The following ZFPM2 variants were observed in gnomAD, a reference collection of about 807,000 sequenced individuals.
ZFPM2 encodes the protein zinc finger protein, FOG family member 2.
ZFPM2 carries 20 observed loss-of-function variants against 98.6 expected under a neutral mutation model. The observed-to-expected ratio is 0.20, with a 90% CI of 0.14 to 0.29. ZFPM2 has a LOEUF of 0.29. Ranked by LOEUF, ZFPM2 falls within the 10% of genes least tolerant of loss-of-function variation. ZFPM2 has a pLI of 1.00. For synonymous variants in ZFPM2, 518 were observed against 502.7 expected, an observed-to-expected ratio of 1.03 and a Z score of -0.41; for missense variants, 1,310 against 1,388.6, an observed-to-expected ratio of 0.94 and a Z score of 0.90.
At chr8:105,712,367 A>T (rs543573625) in intron 5 of ZFPM2, among the ~76,000 whole-genome samples, 1 of 152,076 alleles carries the variant, frequency 6.6e-6, no homozygotes, top group Non-Finnish European at 1.5e-5. Flanking sequence ...ATAAACAAAT[A>T]AACAAGTAAT....
intron 3 of ZFPM2, among the ~76,000 whole-genome samples, chr8:105,527,279 A>T (rs1441320593): frequency 6.6e-6 from 1 of 152,162 alleles, no homozygotes; most frequent in African/African-American, 2.4e-5. Flanking sequence ...AAAACTCTAA[A>T]AGAGCCTCTG....
In ZFPM2 at chr8:105,802,115, T is replaced by C; in HGVS notation, c.2033T>C (p.Val678Ala). Residue 678 changes from valine to alanine, a missense_variant, in exon 8 of 8, where the codon GTG (valine) becomes GCG (alanine). By Grantham distance (64) the Val-to-Ala change is moderately conservative. Coordinates refer to ENST00000407775, the MANE Select transcript of ZFPM2 (RefSeq NM_012082.4). The stretch of plus-strand genomic sequence containing the variant: ...GTGAAAAATCCCAGTGTCCCCTTAG[T>C]GGATGGGGAAAGTGACCCAAATAAG... ...VDVKNPSVPL[V>A]DGESDPNKTT... is the part of the protein sequence containing the mutation. 1 of 1,613,792 alleles carries C rather than the reference T, an allele frequency of 6.2e-7. No individual in the cohort carries two copies. The highest frequency in any genetic ancestry group is 8.5e-7 in the Non-Finnish European group (1 of 1,179,852).
intron 5 of ZFPM2, among the ~76,000 whole-genome samples, chr8:105,687,438 A>T (rs1447998723): frequency 6.6e-6 from 1 of 152,190 alleles, no homozygotes; most frequent in East Asian, 1.9e-4. Context: ...CAAAGAAATC[A>T]CTTTGAACTA....
At chr8:105,352,953 A>G (rs145517546) in intron 1 of ZFPM2, among the ~76,000 whole-genome samples, 27 of 152,274 alleles carry the variant, frequency 1.8e-4, no homozygotes, top group African/African-American at 6.0e-4. Flanking sequence ...GGAGCACAAC[A>G]TTAGCACATC....
intron 1 of ZFPM2, among the ~76,000 whole-genome samples, chr8:105,376,535 A>G (rs1320063639): frequency 6.6e-6 from 1 of 152,144 alleles, no homozygotes; most frequent in Non-Finnish European, 1.5e-5. Context: ...AGCATCTCAA[A>G]TTTAATGTGT....
intron 5 of ZFPM2, among the ~76,000 whole-genome samples, chr8:105,740,900 G>A (rs1157055435): frequency 3.9e-5 from 6 of 152,034 alleles, no homozygotes; most frequent in African/African-American, 1.4e-4. Context: ...CAGATAAGTT[G>A]GTGAGGGAAG....
At chr8:105,472,871 CT>C (rs1812932944) in intron 3 of ZFPM2, among the ~76,000 whole-genome samples, 1 of 149,314 alleles carries the variant, frequency 6.7e-6, no homozygotes, top group African/African-American at 2.5e-5. Context: ...TGTCTTTCCC[CT>C]CTTCTCCTAA....
intron 3 of ZFPM2, among the ~76,000 whole-genome samples, chr8:105,512,065 A>G: frequency 6.6e-6 from 1 of 152,244 alleles, no homozygotes; most frequent in South Asian, 2.1e-4. Flanking sequence ...GAGTTTCTTG[A>G]ACCTGGGAGG....
intron 5 of ZFPM2, among the ~76,000 whole-genome samples, chr8:105,776,666 A>G (rs1157377546): frequency 1.3e-5 from 2 of 152,216 alleles, no homozygotes; most frequent in Non-Finnish European, 2.9e-5. Flanking sequence ...CAAGACAAAA[A>G]TAGTCACATA....
chr8:105,689,776 T>G (rs1452389844), intron 5 of ZFPM2, among the ~76,000 whole-genome samples: 1 of 152,182 alleles, frequency 6.6e-6, no homozygotes, highest in East Asian at 1.9e-4. Context: ...CATTTTTATA[T>G]TTCAGCAGTT....
intron 1 of ZFPM2, among the ~76,000 whole-genome samples, chr8:105,400,271 T>A (rs540620558): frequency 1.8e-4 from 28 of 152,102 alleles, no homozygotes; most frequent in African/African-American, 6.0e-4. Flanking sequence ...TATTTTATTT[T>A]TTTTATTATA....
intron 5 of ZFPM2, among the ~76,000 whole-genome samples, chr8:105,696,377 TAA>T (rs924163687): frequency 3.3e-5 from 5 of 152,170 alleles, no homozygotes; most frequent in African/African-American, 7.2e-5. Flanking sequence ...ACCTGCGTAA[TAA>T]AGTGTGACTC....
intron 5 of ZFPM2, among the ~76,000 whole-genome samples, chr8:105,785,451 C>G (rs1481572567): frequency 1.8e-5 from 2 of 109,644 alleles, no homozygotes; most frequent in Admixed American, 8.1e-5. Flanking sequence ...AGTCACAGTT[C>G]TGCCACTGAC....
At chr8:105,621,223 C>T (rs1300771021) in intron 4 of ZFPM2, among the ~76,000 whole-genome samples, 1 of 152,052 alleles carries the variant, frequency 6.6e-6, no homozygotes, top group Non-Finnish European at 1.5e-5. Context: ...GTTTGTAGTT[C>T]TCCTTGAAGA....
At chr8:105,429,200 T>C (rs1486159591) in intron 2 of ZFPM2, among the ~76,000 whole-genome samples, 1 of 152,292 alleles carries the variant, frequency 6.6e-6, no homozygotes, top group East Asian at 1.9e-4. Flanking sequence ...CACTGTATTT[T>C]AGGTCTTACG....
chr8:105,405,272 A>G (rs1005254805), intron 1 of ZFPM2, among the ~76,000 whole-genome samples: 1 of 151,404 alleles, frequency 6.6e-6, no homozygotes. Context: ...TCTTTTTTTG[A>G]TTTTTTTTAA....
chr8:105,633,557 G>A (rs1586163744), intron 4 of ZFPM2, among the ~76,000 whole-genome samples: 1 of 152,286 alleles, frequency 6.6e-6, no homozygotes, highest in East Asian at 1.9e-4. Flanking sequence ...AAAATACTTT[G>A]TTAGAATTAT....
chr8:105,680,884 C>T (rs562200018), intron 5 of ZFPM2, among the ~76,000 whole-genome samples: 65 of 151,744 alleles, frequency 4.3e-4, no homozygotes, highest in Non-Finnish European at 8.8e-4. Context: ...TGTTTATTGA[C>T]TACATGAAAA....
In ZFPM2 at chr8:105,510,815, G is replaced by A. The variant is rs563218235; in HGVS notation, c.302-50548G>A. ...GGTGGGGATGTGAGGGACTGGGTCT[G>A]CCCCCTGAAACCTCAGGAATGCTCA... On this transcript the variant is annotated intron_variant, in intron 3 of 7. Transcript: ENST00000407775. 7.2e-5 allele frequency among the ~76,000 whole-genome samples: 11 copies of A among 152,288 alleles called. No individual in the cohort carries two copies. In the East Asian group the frequency reaches 1.5e-3, roughly 21 times the overall value.
Sources: allele counts gnomAD v4.1 joint callset (sites outside exome capture counted in the v4.1 genomes callset), GRCh38; gene constraint gnomAD v4.1.1; transcripts MANE v1.5; gene names NCBI Gene and HGNC (gene_info 2026-07-23, HGNC 2026-07-21).